Variants in AKAP13 observed in about 807,000 individuals in gnomAD.
AKAP13 encodes A-kinase anchor protein 13.
A neutral mutation model predicts 264.5 loss-of-function variants in AKAP13; 80 were observed. That is an observed-to-expected ratio of 0.30 (90% confidence interval 0.25 to 0.36). AKAP13 has a LOEUF of 0.36. AKAP13 is among the 10% of genes least tolerant of loss of function. AKAP13 has a pLI of 1.00. For synonymous variants in AKAP13, 1,380 were observed against 1,250.2 expected (o/e 1.10, Z -2.19); for missense variants, 3,712 against 3,435.2 (o/e 1.08, Z -2.01).
chr15:85,645,032 A>C (rs1323265053), intron 9 of AKAP13, among the ~76,000 whole-genome samples: 3 of 152,206 alleles, frequency 2.0e-5, no homozygotes, highest in Non-Finnish European at 4.4e-5. Context: ...AGGTGTGAGG[A>C]TTGCTTGAGC....
Position 85,575,169 on chromosome 15 carries a change from C to G in AKAP13, c.701C>G (p.Ser234Cys), listed in dbSNP as rs780466048. Residue 234 changes from serine to cysteine, a missense_variant, in exon 6 of 37, where the codon TCC becomes TGC. By Grantham distance (112) the Ser-to-Cys change is moderately radical. Coordinates refer to ENST00000394518, the MANE Select transcript of AKAP13 (RefSeq NM_007200.5). ...AGEPDSWSSL[S>C]YEIPYGDCSV... ...GAACCAGACTCCTGGAGCAGTTTAT[C>G]CTATGAAATACCGTATGGAGACTGT... 1 of 1,614,076 alleles carries G rather than the reference C, an allele frequency of 6.2e-7. No individual in the cohort carries two copies. Among genetic ancestry groups the G allele is most frequent in the Non-Finnish European group, 8.5e-7 (1 of 1,180,014 alleles).
intron 26 of AKAP13, among the ~76,000 whole-genome samples, chr15:85,725,475 G>A (rs752401271): frequency 3.3e-5 from 5 of 152,094 alleles, no homozygotes; most frequent in Non-Finnish European, 7.4e-5. Flanking sequence ...ACAGAAAATT[G>A]CAGTAGTTTA....
At chr15:85,700,607 G>A (rs544130814) in intron 17 of AKAP13, among the ~76,000 whole-genome samples, 22 of 152,336 alleles carry the variant, frequency 1.4e-4, no homozygotes, top group Non-Finnish European at 2.2e-4. Flanking sequence ...GGATAGGGCG[G>A]TAGCTTTCAG....
At chr15:85,531,670 A>G (rs1273527399) in intron 3 of AKAP13, among the ~76,000 whole-genome samples, 1 of 152,222 alleles carries the variant, frequency 6.6e-6, no homozygotes, top group African/African-American at 2.4e-5. Flanking sequence ...GTGTGCATGC[A>G]TGTGCACGTG....
At chr15:85,743,916 A>C (rs1292364463) in intron 36 of AKAP13, 91 bp downstream of exon 36, 2 of 1,424,636 alleles carry the variant, frequency 1.4e-6, no homozygotes, top group Non-Finnish European at 1.9e-6. Flanking sequence ...GGGGTTGAAA[A>C]GGGGACAGTT....
At chr15:85,451,353 G>A (rs1416868430) in intron 1 of AKAP13, among the ~76,000 whole-genome samples, 1 of 152,138 alleles carries the variant, frequency 6.6e-6, no homozygotes, top group Admixed American at 6.5e-5. Flanking sequence ...TTAAGTGGGG[G>A]CATTTAGCCT....
chr15:85,517,523 T>A (rs1195926587), intron 2 of AKAP13, among the ~76,000 whole-genome samples: 1 of 152,096 alleles, frequency 6.6e-6, no homozygotes, highest in East Asian at 1.9e-4. Flanking sequence ...GAAATCTAGG[T>A]GAAAAGATTT....
intron 2 of AKAP13, among the ~76,000 whole-genome samples, chr15:85,496,786 C>T (rs947932588): frequency 1.3e-5 from 2 of 152,190 alleles, no homozygotes; most frequent in African/African-American, 2.4e-5. Flanking sequence ...TAGGTCTGCT[C>T]CAGCATCTGT....
In AKAP13 at chr15:85,743,699, G is replaced by C; in HGVS notation, c.8266G>C (p.Gly2756Arg). ...ILSSTSQTNK[G>R]PEGQSQAPAS... ...GAGTTCAACCAGCCAGACAAACAAAGGACCAGAAGGGCAGAGCCAGGCCCC... is the reference window on the plus strand; with the variant it reads ...GAGTTCAACCAGCCAGACAAACAAACGACCAGAAGGGCAGAGCCAGGCCCC... The change falls in exon 36 of 37, where the codon GGA (glycine) becomes CGA (arginine). Residue 2756 changes from glycine (G) to arginine (R), a missense_variant. Physicochemically the swap from Gly to Arg is moderately radical, Grantham distance 125 (BLOSUM62 -2). This residue lies in a region of AKAP13 where 611 missense variants were observed against 539.3 expected (regional missense o/e 1.13). Transcript: ENST00000394518. 2 of 1,614,088 alleles carry C rather than the reference G, an allele frequency of 1.2e-6. No individual in the cohort carries two copies. Among genetic ancestry groups the C allele is most frequent in the Non-Finnish European group, 1.7e-6 (2 of 1,180,032 alleles).
intron 1 of AKAP13, among the ~76,000 whole-genome samples, chr15:85,481,590 T>A (rs541844688): frequency 6.6e-6 from 1 of 152,256 alleles, no homozygotes. Flanking sequence ...GAATACAAAT[T>A]CTTAACTTCT....
intron 8 of AKAP13, among the ~76,000 whole-genome samples, chr15:85,622,600 C>G (rs1364186316): frequency 1.3e-5 from 2 of 152,112 alleles, no homozygotes; most frequent in African/African-American, 4.8e-5. Flanking sequence ...ATAGCACAGG[C>G]AGGATAAGAG....
intron 4 of AKAP13, among the ~76,000 whole-genome samples, chr15:85,543,421 G>A (rs915205726): frequency 2.0e-5 from 3 of 152,182 alleles, no homozygotes; most frequent in Non-Finnish European, 4.4e-5. Flanking sequence ...TATTATTTGA[G>A]TAAAAGAACG....
chr15:85,577,478 C>T (rs1192799641), intron 6 of AKAP13, among the ~76,000 whole-genome samples: 1 of 152,196 alleles, frequency 6.6e-6, no homozygotes, highest in Non-Finnish European at 1.5e-5. Flanking sequence ...GCTGCATGCA[C>T]ATGGGATTTT....
At chr15:85,600,217 GTAAAGGCCCAAGATGTT>G (rs572131026) in intron 8 of AKAP13, among the ~76,000 whole-genome samples, 6 of 151,570 alleles carry the variant, frequency 4.0e-5, no homozygotes, top group Non-Finnish European at 8.8e-5. Flanking sequence ...CAACAGCTGT[GTAAAGGCCCAAGATGTT>G]TAATTCTTTT....
At chr15:85,603,520 C>T (rs755950982) in intron 8 of AKAP13, among the ~76,000 whole-genome samples, 97 of 152,208 alleles carry the variant, frequency 6.4e-4, no homozygotes, top group Non-Finnish European at 6.9e-4. Flanking sequence ...GCCCATGTTG[C>T]AGATTCTTGC....
Position 85,744,882 on chromosome 15 carries a change from A to G in AKAP13, c.*205A>G, listed in dbSNP as rs1362279873. ...AGGAGGCCCAGACTCTGCTTCGGCC[A>G]TGATTTGTGACTGCCCAGGACTCTC... On this transcript the variant is annotated 3_prime_UTR_variant, in exon 37 of 37. Transcript: ENST00000394518. 3.9e-6 allele frequency: 2 copies of G among 514,564 alleles called. No individual in the cohort carries two copies. The allele number at this position is 514,564 out of a possible 1,614,324, so 31.9% of individuals were successfully genotyped here.
chr15:85,408,152 A>G (rs548185596), intron 1 of AKAP13, among the ~76,000 whole-genome samples: 4 of 151,582 alleles, frequency 2.6e-5, no homozygotes, highest in South Asian at 2.1e-4. Context: ...GGTAATGTTT[A>G]CATTTGGCTT....
chr15:85,627,475 T>G (rs1261995028), intron 8 of AKAP13: 1 of 152,324 alleles, frequency 6.6e-6, no homozygotes, highest in Non-Finnish European at 1.5e-5. Context: ...GTGTCTCAGA[T>G]ACTGTGTGTT....
At position 85,743,479 on chromosome 15, in the gene AKAP13, TGA is replaced by T. The variant is rs780191621; in HGVS notation, c.8059-12_8059-11del. The T allele has an allele frequency of 5.5e-5, 88 of 1,605,960 alleles. No individual in the cohort carries two copies. Among genetic ancestry groups the T allele is most frequent in the Non-Finnish European group, 7.2e-5 (85 of 1,174,534 alleles). Reference sequence around the variant, plus strand: ...AGCCTCCAAGTGAAAACCCTTCTCTTGAATATGTACAGGTTTCCCATCCACAT... The same window carrying T: ...AGCCTCCAAGTGAAAACCCTTCTCTTATATGTACAGGTTTCCCATCCACAT... On this transcript the variant is annotated splice_polypyrimidine_tract_variant and intron_variant, in intron 35 of 36. Coordinates refer to ENST00000394518, the MANE Select transcript of AKAP13 (RefSeq NM_007200.5).
Sources: gnomAD v4.1 joint callset for allele counts (sites outside exome capture counted in the v4.1 genomes callset) on GRCh38, gnomAD v4.1.1 for gene constraint, gnomAD v4.1.1 regional missense constraint, MANE v1.5 for transcripts, NCBI Gene and HGNC (gene_info 2026-07-23, HGNC 2026-07-21) for gene names.